The following MYO10 variants were observed in gnomAD, a reference collection of about 807,000 sequenced individuals.
MYO10 encodes myosin X, also known as unconventional myosin-X.
In MYO10, 133 loss-of-function variants were observed where a neutral mutation model predicts 257.3. That is an observed-to-expected ratio of 0.52 (90% CI 0.45 to 0.60). The LOEUF is 0.60. Among genes scored for constraint, MYO10 ranks in the 20% least tolerant of loss-of-function variants. The pLI is 0.00. For synonymous variants in MYO10, 1,104 were observed against 1,028.6 expected, an observed-to-expected ratio of 1.07 and a Z score of -1.40; for missense variants, 2,399 against 2,635.7, an observed-to-expected ratio of 0.91 and a Z score of 1.97.
At chr5:16,725,082 T>C (rs1227996888) in intron 19 of MYO10, among the ~76,000 whole-genome samples, 40 of 125,754 alleles carry the variant, frequency 3.2e-4, no homozygotes, top group African/African-American at 1.2e-3. Flanking sequence ...CTTCTTCTTT[T>C]TTTTTTTTTT....
chr5:16,912,144 C>CT (rs1162269011), intron 1 of MYO10, among the ~76,000 whole-genome samples: 3 of 152,252 alleles, frequency 2.0e-5, no homozygotes, highest in Admixed American at 6.5e-5. Context: ...ACTCTTCTTC[C>CT]AATGTGGCCC....
At chr5:16,818,402 G>GTATATATA (rs1742698804) in intron 2 of MYO10, among the ~76,000 whole-genome samples, 8 of 117,500 alleles carry the variant, frequency 6.8e-5, no homozygotes, top group African/African-American at 2.3e-4. Flanking sequence ...GTGTGTGTGT[G>GTATATATA]TGTGTGTGTA....
At chr5:16,821,950 AG>A (rs761724724) in intron 2 of MYO10, among the ~76,000 whole-genome samples, 8 of 149,862 alleles carry the variant, frequency 5.3e-5, no homozygotes, top group Non-Finnish European at 1.0e-4. Flanking sequence ...TTCAAGATAC[AG>A]GATTGCAGCT....
Position 16,670,942 on chromosome 5 carries a change from G to A in MYO10, c.5467C>T (p.Pro1823Ser). The A allele has an allele frequency of 3.7e-6, 6 of 1,612,644 alleles. No homozygotes were observed. Among genetic ancestry groups the A allele is most frequent in the Non-Finnish European group, 5.1e-6 (6 of 1,178,762 alleles). ...GCAAGAACCTGGAGGTTTTCTTCCGGGGCTGGATGGTGGCCATGGATAACC... is the reference window on the plus strand; with the variant it reads ...GCAAGAACCTGGAGGTTTTCTTCCGAGGCTGGATGGTGGCCATGGATAACC... Reference protein sequence around the residue: ...EAVIHGHHPAPEENLQVLAAL... With the variant: ...EAVIHGHHPASEENLQVLAAL... The change falls in exon 39 of 41, where the codon CCG (proline) becomes TCG (serine). Residue 1823 changes from proline to serine, a missense_variant. Around this residue, in one of 3 missense-constraint regions of MYO10, gnomAD observed 1,820 missense variants for 1,939.4 expected, o/e 0.94. Transcript: ENST00000513610.
At position 16,727,153 on chromosome 5, in the gene MYO10, T is replaced by TA. The variant is rs560109163; in HGVS notation, c.1930-15909dup. The stretch of plus-strand genomic sequence containing the variant: ...TGAAAGGATAACATTTTGGATATAG[T>TA]AAAAAAAATATGTTGTTAAAACTGC... On this transcript the variant is annotated intron_variant, in intron 19 of 40. Transcript: ENST00000513610. 3.7e-3 allele frequency among the ~76,000 whole-genome samples: 569 copies of TA among 152,128 alleles called. 7 individuals are homozygous for TA. The highest frequency in any genetic ancestry group is 0.013 in the African/African-American group (530 of 41,530).
chr5:16,788,787 G>A (rs1407604179), intron 4 of MYO10, among the ~76,000 whole-genome samples: 2 of 152,088 alleles, frequency 1.3e-5, no homozygotes, highest in Admixed American at 1.3e-4. Flanking sequence ...ATGGTGGGGG[G>A]CGTGGGGGCA....
At chr5:16,717,742 G>A (rs1210716096) in intron 19 of MYO10, among the ~76,000 whole-genome samples, 1 of 151,634 alleles carries the variant, frequency 6.6e-6, no homozygotes, top group Non-Finnish European at 1.5e-5. Context: ...TGACCCACGG[G>A]GATTTAACTC....
intron 2 of MYO10, among the ~76,000 whole-genome samples, chr5:16,860,939 C>T (rs1387027996): frequency 6.6e-6 from 1 of 152,162 alleles, no homozygotes; most frequent in East Asian, 1.9e-4. Flanking sequence ...GCTTTCACAA[C>T]AATTTTTTAA....
At chr5:16,705,123 A>G (rs1738272831) in intron 21 of MYO10, among the ~76,000 whole-genome samples, 1 of 152,246 alleles carries the variant, frequency 6.6e-6, no homozygotes, top group Non-Finnish European at 1.5e-5. Flanking sequence ...AAGGGAAGCC[A>G]AGAAATTTCT....
chr5:16,725,526 A>G (rs561375580), intron 19 of MYO10, among the ~76,000 whole-genome samples: 8 of 152,272 alleles, frequency 5.3e-5, no homozygotes, highest in African/African-American at 1.9e-4. Context: ...CTACTCTATG[A>G]ATTAAATCAG....
chr5:16,864,339 G>A (rs17707864), intron 2 of MYO10, among the ~76,000 whole-genome samples: 7,577 of 152,126 alleles, frequency 0.05, 274 homozygotes, highest in South Asian at 0.17. Context: ...GGCCAGGCTC[G>A]GCTCCGAGGT....
At chr5:16,679,295 G>T (rs1736873731) in intron 33 of MYO10, among the ~76,000 whole-genome samples, 1 of 152,158 alleles carries the variant, frequency 6.6e-6, no homozygotes, top group South Asian at 2.1e-4. Context: ...ACGCAAAGCA[G>T]GTGGTCCCCC....
chr5:16,904,191 G>A (rs1038058578), intron 1 of MYO10, among the ~76,000 whole-genome samples: 3 of 152,064 alleles, frequency 2.0e-5, no homozygotes, highest in African/African-American at 7.2e-5. Context: ...TGGACACATG[G>A]GGGTTTCTGG....
chr5:16,713,366 G>A, intron 19 of MYO10: 1 of 985,862 alleles, frequency 1.0e-6, no homozygotes. Flanking sequence ...CTCACCTTCA[G>A]TTTGGCTCTT....
intron 1 of MYO10, among the ~76,000 whole-genome samples, chr5:16,889,936 A>G (rs913501833): frequency 6.6e-6 from 1 of 151,788 alleles, no homozygotes; most frequent in African/African-American, 2.4e-5. Flanking sequence ...AAACAAACTG[A>G]TAAGATTTTC....
intron 2 of MYO10, among the ~76,000 whole-genome samples, chr5:16,827,632 A>G (rs1029105159): frequency 6.6e-6 from 1 of 152,146 alleles, no homozygotes; most frequent in African/African-American, 2.4e-5. Context: ...TTGTTAGATA[A>G]CTATGAAGTA....
intron 19 of MYO10, among the ~76,000 whole-genome samples, chr5:16,718,608 T>G (rs1400590808): frequency 6.6e-6 from 1 of 151,830 alleles, no homozygotes; most frequent in African/African-American, 2.4e-5. Context: ...GCACTCTGTA[T>G]CTAGCTCAAG....
chr5:16,711,232 A>G lies in MYO10; in HGVS notation c.1943T>C (p.Phe648Ser). Residue 648 changes from phenylalanine (F) to serine (S), a missense_variant, in exon 20 of 41, where the codon TTT (phenylalanine) becomes TCT (serine). Phe to Ser is a radical substitution (Grantham distance 155, BLOSUM62 -2). Around this residue, in one of 3 missense-constraint regions of MYO10, gnomAD observed 1,820 missense variants for 1,939.4 expected, o/e 0.94. Coordinates refer to ENST00000513610, the MANE Select transcript of MYO10 (RefSeq NM_012334.3). ...KPNMQKMPDQFDQAVVLNQLR... is the reference protein window; with the variant it reads ...KPNMQKMPDQSDQAVVLNQLR... ...CTGGTTCAGCACAACCGCCTGGTCA[A>G]ACTGGTCTGGCATCTAAACCATGCA... 1 of 1,609,296 alleles carries G rather than the reference A, an allele frequency of 6.2e-7. No individual in the cohort carries two copies. The highest frequency in any genetic ancestry group is 8.5e-7 in the Non-Finnish European group (1 of 1,178,772).
At chr5:16,748,621 A>AGAGGGAGGGAGG (rs34338717) in intron 19 of MYO10, among the ~76,000 whole-genome samples, 5 of 135,398 alleles carry the variant, frequency 3.7e-5, no homozygotes, top group African/African-American at 1.4e-4. Flanking sequence ...AGAGAGGGAG[A>AGAGGGAGGGAGG]GAGGGAGGGA....
Sources: allele counts gnomAD v4.1 joint callset (sites outside exome capture counted in the v4.1 genomes callset), GRCh38; gene constraint gnomAD v4.1.1; regional missense constraint gnomAD v4.1.1; transcripts MANE v1.5; gene names NCBI Gene and HGNC (gene_info 2026-07-23, HGNC 2026-07-21).